DLGAP1: variants seen among roughly 807,000 people sequenced by gnomAD.
DLGAP1 encodes disks large-associated protein 1.
A neutral mutation model predicts 90.8 loss-of-function variants in DLGAP1; 11 were observed. The observed-to-expected ratio is 0.12, with a 90% confidence interval of 0.08 to 0.20. The LOEUF (loss-of-function observed/expected upper bound fraction) is 0.20. Among genes scored for constraint, DLGAP1 ranks in the 10% least tolerant of loss-of-function variants. The pLI, the probability that DLGAP1 is intolerant of heterozygous loss-of-function variation, is 1.00. For synonymous variants in DLGAP1, 558 were observed against 540.7 expected (o/e 1.03, Z -0.44); for missense variants, 1,050 against 1,333.8 (o/e 0.79, Z 3.31).
chr18:3,755,095 G>A (rs1009344377), intron 5 of DLGAP1, among the ~76,000 whole-genome samples: 2 of 151,870 alleles, frequency 1.3e-5, no homozygotes, highest in South Asian at 2.1e-4. Context: ...ATTAAGATAA[G>A]ATACATATTG....
At chr18:3,646,336 T>G (rs1013807297) in intron 7 of DLGAP1, among the ~76,000 whole-genome samples, 7 of 151,930 alleles carry the variant, frequency 4.6e-5, no homozygotes, top group African/African-American at 1.7e-4. Context: ...AAGGCTACAG[T>G]GAGCTGAGAT....
chr18:4,272,416 T>C (rs1355513279), intron 1 of DLGAP1, among the ~76,000 whole-genome samples: 2 of 152,204 alleles, frequency 1.3e-5, no homozygotes, highest in Admixed American at 6.5e-5. Flanking sequence ...GAATATATTA[T>C]CTCACTAAAT....
At chr18:3,589,142 C>T (rs2056086786) in intron 7 of DLGAP1, among the ~76,000 whole-genome samples, 1 of 151,938 alleles carries the variant, frequency 6.6e-6, no homozygotes, top group Non-Finnish European at 1.5e-5. Context: ...GAGCCAAGAT[C>T]GTACCTCTGC....
At position 3,727,265 on chromosome 18, in the gene DLGAP1, C is replaced by T. The variant is rs560702586; in HGVS notation, c.1591+1870G>A. ...GTATCTGAGAAGTGTCTTAGGAGGG[C>T]AGACCCCATGTGTGTTTGGAGTGAA... On this transcript the variant is annotated intron_variant, in intron 7 of 12. Coordinates refer to ENST00000315677, the MANE Select transcript of DLGAP1 (RefSeq NM_004746.4). This position sits in a 1 kb window ranked among gnomAD's most constrained non-coding sequence, Gnocchi z 4.7. Among the ~76,000 whole-genome samples, 3 of 152,280 alleles carry T rather than the reference C, an allele frequency of 2.0e-5. No individual in the cohort carries two copies. Among genetic ancestry groups the T allele is most frequent in the African/African-American group, 7.2e-5 (3 of 41,558 alleles).
intron 1 of DLGAP1, among the ~76,000 whole-genome samples, chr18:4,444,946 T>C (rs2083624269): frequency 6.6e-6 from 1 of 152,232 alleles, no homozygotes; most frequent in Non-Finnish European, 1.5e-5. Flanking sequence ...GCTAGTTAGA[T>C]GAATCATGAT....
At chr18:3,895,077 CA>C (rs1568285206) in intron 3 of DLGAP1, among the ~76,000 whole-genome samples, 2 of 152,138 alleles carry the variant, frequency 1.3e-5, no homozygotes, top group African/African-American at 4.8e-5. Flanking sequence ...TCAGTATTAA[CA>C]AAACTGTGTG....
intron 2 of DLGAP1, among the ~76,000 whole-genome samples, chr18:4,007,326 G>A (rs1460890934): frequency 1.3e-5 from 2 of 151,950 alleles, no homozygotes; most frequent in Non-Finnish European, 2.9e-5. Flanking sequence ...CAACCCCCAC[G>A]TTTCCCCTCG....
At chr18:3,814,563 G>A (rs1026437720) in intron 4 of DLGAP1, among the ~76,000 whole-genome samples, 5 of 151,836 alleles carry the variant, frequency 3.3e-5, no homozygotes, top group Admixed American at 2.6e-4. Context: ...GGGTTTCACC[G>A]TGTTAGCCAG....
intron 7 of DLGAP1, among the ~76,000 whole-genome samples, chr18:3,622,185 A>G (rs1289236447): frequency 1.3e-5 from 2 of 150,524 alleles, no homozygotes; most frequent in Admixed American, 1.3e-4. Flanking sequence ...GCTCACTGCC[A>G]GCTCCGCCTC....
rs138934331 is a variant in DLGAP1, at chr18:3,635,868, C to T, written c.1592-53620G>A. On this transcript the variant is annotated intron_variant, in intron 7 of 12. Coordinates refer to ENST00000315677, the MANE Select transcript of DLGAP1 (RefSeq NM_004746.4). ...CCTTCCTCAATAATCACTGGATTTT[C>T]TGCCTCTAATCCAGACCCTTCCTAA... Among the ~76,000 whole-genome samples the T allele has an allele frequency of 2.8e-4, 43 of 151,634 alleles. 3 individuals are homozygous for T. The highest frequency in any genetic ancestry group is 4.0e-4 in the Non-Finnish European group (27 of 68,022).
intron 4 of DLGAP1, among the ~76,000 whole-genome samples, chr18:3,850,830 TTAAC>T (rs2069295871): frequency 6.6e-6 from 1 of 152,098 alleles, no homozygotes; most frequent in African/African-American, 2.4e-5. Context: ...TTTTTGAAGA[TTAAC>T]TTGGTTGATA....
At chr18:3,748,223 A>G (rs2063352180) in intron 5 of DLGAP1, among the ~76,000 whole-genome samples, 1 of 152,192 alleles carries the variant, frequency 6.6e-6, no homozygotes, top group Non-Finnish European at 1.5e-5. Flanking sequence ...AAGTACAACC[A>G]ATAATGGGAA....
At chr18:4,248,031 G>A (rs2078690971) in intron 1 of DLGAP1, among the ~76,000 whole-genome samples, 1 of 152,022 alleles carries the variant, frequency 6.6e-6, no homozygotes, top group African/African-American at 2.4e-5. Flanking sequence ...TATGGCATTT[G>A]GTGCGAGAGA....
Position 4,149,383 on chromosome 18 carries a change from T to G in DLGAP1, c.-159+1797A>C, listed in dbSNP as rs770956539. On this transcript the variant is annotated intron_variant, in intron 2 of 12. Coordinates refer to ENST00000315677, the MANE Select transcript of DLGAP1 (RefSeq NM_004746.4). ...AATGTCTTTAAAACACAAAACTTTT[T>G]TTTTTCTTGGAGATACTTCATTTAG... Among the ~76,000 whole-genome samples, 60 of 152,220 alleles carry G rather than the reference T, an allele frequency of 3.9e-4. 1 individual carries two copies. Among genetic ancestry groups the G allele is most frequent in the Non-Finnish European group, 4.0e-4 (27 of 68,040 alleles).
chr18:3,656,951 T>A (rs1191646709), intron 7 of DLGAP1, among the ~76,000 whole-genome samples: 1 of 152,064 alleles, frequency 6.6e-6, no homozygotes, highest in African/African-American at 2.4e-5. Context: ...TTTCACTGTA[T>A]TAGTCAGGAT....
chr18:3,659,394 T>TATATACACACACAC (rs1555618610), intron 7 of DLGAP1, among the ~76,000 whole-genome samples: 4 of 102,126 alleles, frequency 3.9e-5, no homozygotes, highest in African/African-American at 1.9e-4. Flanking sequence ...CATACATTTA[T>TATATACACACACAC]ACACACACAC....
At chr18:3,936,611 C>T (rs2072646601) in intron 3 of DLGAP1, among the ~76,000 whole-genome samples, 1 of 152,134 alleles carries the variant, frequency 6.6e-6, no homozygotes, top group African/African-American at 2.4e-5. Context: ...ATTGTGAATA[C>T]CTTGAGATAA....
intron 1 of DLGAP1, among the ~76,000 whole-genome samples, chr18:4,188,130 G>A (rs1375733346): frequency 6.6e-6 from 1 of 152,088 alleles, no homozygotes; most frequent in Non-Finnish European, 1.5e-5. Flanking sequence ...TGTTTTTGGT[G>A]ATAAAATTTC....
At chr18:3,515,275 C>T (rs959061109) in intron 10 of DLGAP1, among the ~76,000 whole-genome samples, 6 of 148,654 alleles carry the variant, frequency 4.0e-5, no homozygotes, top group Non-Finnish European at 5.9e-5. Flanking sequence ...TCGAGCCCAT[C>T]CTGGCTAACA....
Sources: allele counts gnomAD v4.1 joint callset (sites outside exome capture counted in the v4.1 genomes callset), GRCh38; gene constraint gnomAD v4.1.1; non-coding constraint Gnocchi (gnomAD v3.1); transcripts MANE v1.5; gene names NCBI Gene and HGNC (gene_info 2026-07-23, HGNC 2026-07-21).